The following PSMA7 variants were observed in gnomAD, a reference collection of about 807,000 sequenced individuals.
PSMA7 encodes the protein proteasome 20S subunit alpha 7.
Under a neutral mutation model 31.3 loss-of-function variants are expected in PSMA7, and 5 were observed. The observed-to-expected ratio is 0.16, with a 90% CI of 0.08 to 0.34. The LOEUF (loss-of-function observed/expected upper bound fraction) is 0.34, where lower values mean the gene tolerates loss of function less well. Ranked by LOEUF, PSMA7 falls within the 10% of genes least tolerant of loss-of-function variation. The probability of loss-of-function intolerance (pLI) is 1.00; values close to 1 mark genes in which losing one functional copy is unlikely to be tolerated. For synonymous variants in PSMA7, 155 were observed against 121.9 expected (o/e 1.27, Z -1.79); for missense variants, 217 against 327.5 (o/e 0.66, Z 2.60).
chr20:62,139,283 T>C (rs2056913249), intron 3 of PSMA7, 86 bp from the exon 4 acceptor site: 1 of 1,508,228 alleles, frequency 6.6e-7, no homozygotes, highest in Non-Finnish European at 9.0e-7. Flanking sequence ...ATACGAACAT[T>C]TTAAACCATG....
In PSMA7 at chr20:62,140,830, T is replaced by C. The variant is rs2056923380; in HGVS notation, c.211A>G (p.Met71Val). The C allele has an allele frequency of 4.3e-6, 7 of 1,614,248 alleles. No homozygotes were observed. Among genetic ancestry groups the C allele is most frequent in the Admixed American group, 1.7e-5 (1 of 60,030 alleles). Residue 71 changes from methionine to valine, a missense_variant, in exon 2 of 7, where the codon ATG becomes GTG. Coordinates refer to ENST00000370873, the MANE Select transcript of PSMA7 (RefSeq NM_002792.4). Reference sequence around the variant, plus strand: ...CACCGACTCATACCTGCAAAGGCCATGCAGACGTTGTCATCCAAAGCACAG... The same window carrying C: ...CACCGACTCATACCTGCAAAGGCCACGCAGACGTTGTCATCCAAAGCACAG... Reference protein sequence around the residue: ...KICALDDNVCMAFAGLTADAR... With the variant: ...KICALDDNVCVAFAGLTADAR...
At chr20:62,142,088 A>G (rs1384576582) in intron 1 of PSMA7, among the ~76,000 whole-genome samples, 2 of 152,118 alleles carry the variant, frequency 1.3e-5, no homozygotes, top group East Asian at 1.9e-4. Flanking sequence ...GTCTCCACAC[A>G]CTGCCAGTGG....
chr20:62,136,964 T>C lies in PSMA7; in HGVS notation c.655-15A>G, dbSNP rs1322800659. Reference sequence around the variant, plus strand: ...GGATTTAAAATCTATAGAAAAAAACTTCATGGTTACCTAAGCCACACAAGG... The same window carrying C: ...GGATTTAAAATCTATAGAAAAAAACCTCATGGTTACCTAAGCCACACAAGG... On this transcript the variant is annotated splice_polypyrimidine_tract_variant and intron_variant, in intron 6 of 6. Coordinates refer to ENST00000370873, the MANE Select transcript of PSMA7 (RefSeq NM_002792.4). 6.3e-6 allele frequency: 10 copies of C among 1,595,920 alleles called. No individual in the cohort carries two copies. In the South Asian group the frequency reaches 9.3e-5, roughly 15 times the overall value.
chr20:62,140,050 C>T (rs1365722531), intron 2 of PSMA7, 145 bp from the exon 3 acceptor site: 2 of 1,158,652 alleles, frequency 1.7e-6, no homozygotes, highest in Non-Finnish European at 2.4e-6. Context: ...CGGAACCTAT[C>T]AGCCCCTGGG....
At chr20:62,137,328 T>C in intron 6 of PSMA7, 36 bp downstream of exon 6, 1 of 1,602,324 alleles carries the variant, frequency 6.2e-7, no homozygotes, top group Non-Finnish European at 8.6e-7. Flanking sequence ...GGGAGAAAAC[T>C]GACAGGTAAA....
chr20:62,143,321 G>A lies in PSMA7; in HGVS notation c.-18C>T. 2.2e-6 allele frequency: 3 copies of A among 1,378,170 alleles called. No homozygotes were observed. Among genetic ancestry groups the A allele is most frequent in the East Asian group, 3.4e-5 (1 of 29,568 alleles). The allele number at this position is 1,378,170 out of a possible 1,614,324, so 85.4% of individuals were successfully genotyped here. A position where few individuals can be genotyped will look rare whatever the true frequency, so the allele number is the denominator to read the frequency against. On this transcript the variant is annotated 5_prime_UTR_variant, in exon 1 of 7. Coordinates refer to ENST00000370873, the MANE Select transcript of PSMA7 (RefSeq NM_002792.4). ...TAGCTCATGCCGGCGGGCGGCGGCCGGGCTCCTTCCGCCGCGACTCTCAAA... is the reference window on the plus strand; with the variant it reads ...TAGCTCATGCCGGCGGGCGGCGGCCAGGCTCCTTCCGCCGCGACTCTCAAA...
rs186993283 is a variant in PSMA7, at chr20:62,139,971, G to A, written c.224-66C>T. The A allele has an allele frequency of 1.0e-4, 157 of 1,561,778 alleles. 1 individual carries two copies. The Admixed American group carries it at 1.4e-3, about 14-fold the overall frequency. On this transcript the variant is annotated intron_variant, in intron 2 of 6. Coordinates refer to ENST00000370873, the MANE Select transcript of PSMA7 (RefSeq NM_002792.4). The stretch of plus-strand genomic sequence containing the variant: ...CAAACTACAGGGTGGGGACAGACAC[G>A]ATGACCCAGCATTTAACCTTCCACA...
chr20:62,142,824 C>G (rs1223239425), intron 1 of PSMA7, among the ~76,000 whole-genome samples: 1 of 151,918 alleles, frequency 6.6e-6, no homozygotes, highest in Admixed American at 6.6e-5. Context: ...GCCTACCCCC[C>G]GCGCTCCGCG....
At chr20:62,137,015 G>T in intron 6 of PSMA7, 66 bp from the exon 7 acceptor site, 1 of 1,570,042 alleles carries the variant, frequency 6.4e-7, no homozygotes, top group Non-Finnish European at 8.6e-7. Context: ...GCCCTCTTCT[G>T]GGGAGGGCGG....
rs1006592899 is a variant in PSMA7 at position 62,143,298 on chromosome 20, G to A, written c.6C>T (p.Ser2=). The change falls in exon 1 of 7, where the codon AGC becomes AGT. Residue 2 remains serine, a synonymous_variant. Coordinates refer to ENST00000370873, the MANE Select transcript of PSMA7 (RefSeq NM_002792.4). ...AGAAGACGGTGATGGCGCGGTCGTA[G>A]CTCATGCCGGCGGGCGGCGGCCGGG... is the stretch of plus-strand genomic sequence containing the variant. M[S]YDRAITVFSP... 2.8e-6 allele frequency: 4 copies of A among 1,426,146 alleles called. No individual in the cohort carries two copies. In the African/African-American group the frequency reaches 4.5e-5, roughly 16 times the overall value. The allele number at this position is 1,426,146 out of a possible 1,614,324, so 88.3% of individuals were successfully genotyped here.
chr20:62,136,984 A>C, intron 6 of PSMA7, 35 bp from the exon 7 acceptor site: 16 of 1,590,502 alleles, frequency 1.0e-5, no homozygotes, highest in Non-Finnish European at 1.4e-5. Context: ...CCTAAGCCAC[A>C]CAAGGTGCCA....
At chr20:62,138,740 T>G (rs1376464405) in intron 4 of PSMA7, among the ~76,000 whole-genome samples, 1 of 152,024 alleles carries the variant, frequency 6.6e-6, no homozygotes. Context: ...GTATTTTTAG[T>G]GGAGACAGGG....
Position 62,143,349 on chromosome 20 carries a change from C to G in PSMA7, c.-46G>C. 1 of 1,253,080 alleles carries G rather than the reference C, an allele frequency of 8.0e-7. No individual in the cohort carries two copies. The allele number at this position is 1,253,080 out of a possible 1,614,324, so 77.6% of individuals were successfully genotyped here. ...CTCCTTCCGCCGCGACTCTCAAAAG[C>G]GCACACTCACGGCCCGCGCGCACCC... is the stretch of plus-strand genomic sequence containing the variant. On this transcript the variant is annotated 5_prime_UTR_variant, in exon 1 of 7. Coordinates refer to ENST00000370873, the MANE Select transcript of PSMA7 (RefSeq NM_002792.4).
intron 5 of PSMA7, among the ~76,000 whole-genome samples, chr20:62,137,889 C>G (rs1453912946): frequency 6.6e-6 from 1 of 152,212 alleles, no homozygotes; most frequent in East Asian, 1.9e-4. Flanking sequence ...CACAGCTGGA[C>G]AGCTGGGTTC....
Position 62,140,896 on chromosome 20 carries a change from A to C in PSMA7, c.145T>G (p.Ser49Ala). The C allele has an allele frequency of 1.2e-6, 2 of 1,614,172 alleles. No homozygotes were observed. The highest frequency in any genetic ancestry group is 1.7e-6 in the Non-Finnish European group (2 of 1,180,016). ...DIVVLGVEKK[S>A]VAKLQDERTV... ...CTTTCATCCTGCAGTTTGGCCACTG[A>C]CTTCTTCTCCACACCAAGAACAACA... The change falls in exon 2 of 7, where the codon TCA becomes GCA. Residue 49 changes from serine (S) to alanine (A), a missense_variant. By Grantham distance (99) the Ser-to-Ala change is moderately conservative (BLOSUM62 1). This residue lies in a region of PSMA7 where 76 missense variants were observed against 96.5 expected (regional missense o/e 0.79). Coordinates refer to ENST00000370873, the MANE Select transcript of PSMA7 (RefSeq NM_002792.4).
intron 2 of PSMA7, 136 bp downstream of exon 2, chr20:62,140,682 A>G (rs2056922485): frequency 1.7e-6 from 2 of 1,190,850 alleles, no homozygotes; most frequent in South Asian, 1.8e-5. Flanking sequence ...AAAAGTCCAA[A>G]TCCAATTCTT....
At chr20:62,142,788 G>A (rs951911570) in intron 1 of PSMA7, among the ~76,000 whole-genome samples, 1 of 152,084 alleles carries the variant, frequency 6.6e-6, no homozygotes, top group Admixed American at 6.5e-5. Context: ...ACCCGGCTGC[G>A]TGAACAGCCC....
rs541799482 is a variant in PSMA7 at position 62,138,484 on chromosome 20, TGATTCTTACCGA to T, written c.472-206_472-195del. Among the ~76,000 whole-genome samples the T allele has an allele frequency of 3.2e-4, 49 of 152,166 alleles. No individual in the cohort carries two copies. The South Asian group carries it at 0.01, about 32-fold the overall frequency. ...GCAAAGAGCTCTTTAGAGTTGATGC[TGATTCTTACCGA>T]GAATGGGGTTATACGATTGTATGTT... On this transcript the variant is annotated intron_variant, in intron 4 of 6. Coordinates refer to ENST00000370873, the MANE Select transcript of PSMA7 (RefSeq NM_002792.4).
intron 1 of PSMA7, among the ~76,000 whole-genome samples, chr20:62,142,095 G>A (rs1391007038): frequency 6.6e-6 from 1 of 152,218 alleles, no homozygotes; most frequent in East Asian, 1.9e-4. Context: ...CACACTGCCA[G>A]TGGCTCCGTG....
Sources: gnomAD v4.1 joint callset for allele counts (sites outside exome capture counted in the v4.1 genomes callset) on GRCh38, gnomAD v4.1.1 for gene constraint, gnomAD v4.1.1 regional missense constraint, MANE v1.5 for transcripts, NCBI Gene and HGNC (gene_info 2026-07-23, HGNC 2026-07-21) for gene names.